MTUS2: variants seen among roughly 807,000 people sequenced by gnomAD.
The protein encoded by MTUS2 is microtubule-associated tumor suppressor candidate 2.
In MTUS2, 40 loss-of-function variants were observed where a neutral mutation model predicts 114.1. That is an observed-to-expected ratio of 0.35 (90% CI 0.27 to 0.46). MTUS2 has a LOEUF of 0.46. MTUS2 is among the 20% of genes least tolerant of loss of function. MTUS2 has a pLI of 1.00. For synonymous variants in MTUS2, 688 were observed against 672.0 expected (o/e 1.02, Z -0.37); for missense variants, 1,679 against 1,705.4 (o/e 0.98, Z 0.27).
At chr13:29,265,530 T>A (rs1249440717) in intron 5 of MTUS2, among the ~76,000 whole-genome samples, 2 of 152,236 alleles carry the variant, frequency 1.3e-5, no homozygotes, top group African/African-American at 4.8e-5. Context: ...ATTATTCTTG[T>A]ATAACCATGA....
At chr13:29,036,999 C>G (rs1887109050) in intron 4 of MTUS2, among the ~76,000 whole-genome samples, 1 of 152,032 alleles carries the variant, frequency 6.6e-6, no homozygotes, top group Non-Finnish European at 1.5e-5. Flanking sequence ...GGGGTGTTTA[C>G]CCCGTTTACA....
chr13:29,203,106 C>T (rs563217197), intron 5 of MTUS2, among the ~76,000 whole-genome samples: 1 of 152,338 alleles, frequency 6.6e-6, no homozygotes, highest in South Asian at 2.1e-4. Context: ...TGAAGCTGCA[C>T]CCACAGCTGC....
intron 5 of MTUS2, among the ~76,000 whole-genome samples, chr13:29,253,443 T>C (rs1259681778): frequency 5.3e-5 from 8 of 151,860 alleles, no homozygotes; most frequent in Admixed American, 3.3e-4. Context: ...AAATTAAAAA[T>C]ATAAATAAAA....
At chr13:29,183,056 G>GT (rs1170062384) in intron 5 of MTUS2, among the ~76,000 whole-genome samples, 1 of 152,230 alleles carries the variant, frequency 6.6e-6, no homozygotes, top group East Asian at 1.9e-4. Context: ...TTTGAGCAGA[G>GT]TATCACAGAA....
intron 1 of MTUS2, among the ~76,000 whole-genome samples, chr13:28,825,546 T>G (rs894555497): frequency 3.3e-5 from 5 of 152,112 alleles, no homozygotes; most frequent in Non-Finnish European, 5.9e-5. Flanking sequence ...CATGCCCAGA[T>G]GGCTGCTCAA....
At chr13:28,900,518 A>C (rs533638196) in intron 2 of MTUS2, among the ~76,000 whole-genome samples, 2 of 152,332 alleles carry the variant, frequency 1.3e-5, no homozygotes, top group Middle Eastern at 6.8e-3. Flanking sequence ...TCATTTGAAG[A>C]CAAAATAAAT....
At chr13:28,939,324 A>G (rs758451068) in intron 2 of MTUS2, among the ~76,000 whole-genome samples, 5 of 152,204 alleles carry the variant, frequency 3.3e-5, no homozygotes, top group Non-Finnish European at 5.9e-5. Flanking sequence ...ACAGGTAGCT[A>G]AAGACTAGGG....
intron 4 of MTUS2, among the ~76,000 whole-genome samples, chr13:29,062,384 G>A (rs1338019730): frequency 6.6e-6 from 1 of 151,992 alleles, no homozygotes; most frequent in Admixed American, 6.5e-5. Context: ...GGTCTTTGGT[G>A]CGAATAACTT....
chr13:29,359,429 G>A lies in MTUS2; in HGVS notation c.3073G>A (p.Gly1025Ser), dbSNP rs745348724. Residue 1025 changes from glycine to serine, a missense_variant, in exon 8 of 16, where the codon GGC becomes AGC. Around this residue, in one of 3 missense-constraint regions of MTUS2, gnomAD observed 822 missense variants for 899.7 expected, o/e 0.91. Transcript: ENST00000612955. Reference protein sequence around the residue: ...AQGELKRAICGFDALAVATQH... With the variant: ...AQGELKRAICSFDALAVATQH... ...AGGGGAGCTGAAGAGGGCCATCTGC[G>A]GCTTTGATGCCCTCGCCGTGGCCAC... The A allele has an allele frequency of 1.2e-5, 20 of 1,613,072 alleles. No homozygotes were observed. The South Asian group carries it at 1.5e-4, about 12-fold the overall frequency.
chr13:29,382,094 A>T (rs1365908040), intron 8 of MTUS2, among the ~76,000 whole-genome samples: 1 of 152,162 alleles, frequency 6.6e-6, no homozygotes, highest in Non-Finnish European at 1.5e-5. Context: ...ACATAAATAT[A>T]AAAGGCAGTA....
intron 5 of MTUS2, among the ~76,000 whole-genome samples, chr13:29,170,031 A>G (rs530016700): frequency 7.9e-5 from 12 of 152,246 alleles, no homozygotes; most frequent in Non-Finnish European, 1.6e-4. Context: ...AAGAAAAATC[A>G]CAGTAGTGGT....
chr13:29,388,369 G>A (rs1218280574), intron 8 of MTUS2, among the ~76,000 whole-genome samples: 3 of 151,524 alleles, frequency 2.0e-5, no homozygotes, highest in East Asian at 1.9e-4. Flanking sequence ...ACACTTGATC[G>A]AATGTAGCAA....
chr13:29,442,593 G>T (rs527554670), intron 9 of MTUS2, among the ~76,000 whole-genome samples: 4 of 151,620 alleles, frequency 2.6e-5, no homozygotes, highest in African/African-American at 9.7e-5. Context: ...GTGTGAGCTA[G>T]TGATGAGCTA....
chr13:28,925,501 A>G (rs971464775), intron 2 of MTUS2, among the ~76,000 whole-genome samples: 9 of 152,188 alleles, frequency 5.9e-5, no homozygotes, highest in African/African-American at 2.2e-4. Context: ...CATTTACTAA[A>G]TTTCTAGTAC....
At chr13:28,874,608 C>CA (rs1877823084) in intron 2 of MTUS2, among the ~76,000 whole-genome samples, 1 of 152,110 alleles carries the variant, frequency 6.6e-6, no homozygotes, top group Non-Finnish European at 1.5e-5. Flanking sequence ...GCTTGAGGGT[C>CA]CTCAAGGCAT....
intron 2 of MTUS2, among the ~76,000 whole-genome samples, chr13:28,869,319 C>T (rs984388934): frequency 2.4e-4 from 37 of 152,210 alleles, no homozygotes; most frequent in Admixed American, 7.8e-4. Flanking sequence ...ACATTGACCT[C>T]GATCATAGGG....
intron 9 of MTUS2, among the ~76,000 whole-genome samples, chr13:29,464,445 C>A (rs1252494359): frequency 6.6e-6 from 1 of 152,160 alleles, no homozygotes; most frequent in Non-Finnish European, 1.5e-5. Flanking sequence ...CTGGGCAGGT[C>A]CCTGTAATCA....
chr13:29,409,104 G>GAGGTC (rs1334427361), intron 8 of MTUS2, among the ~76,000 whole-genome samples: 1 of 152,180 alleles, frequency 6.6e-6, no homozygotes, highest in East Asian at 1.9e-4. Flanking sequence ...TGGATCACCT[G>GAGGTC]AGGTCAGGAG....
intron 8 of MTUS2, among the ~76,000 whole-genome samples, chr13:29,392,558 G>A (rs1008452238): frequency 6.6e-6 from 1 of 152,196 alleles, no homozygotes; most frequent in Non-Finnish European, 1.5e-5. Context: ...CAGGCATATT[G>A]AGGAATTGTT....
Sources: allele counts gnomAD v4.1 joint callset (sites outside exome capture counted in the v4.1 genomes callset), GRCh38; gene constraint gnomAD v4.1.1; regional missense constraint gnomAD v4.1.1; transcripts MANE v1.5; gene names NCBI Gene and HGNC (gene_info 2026-07-23, HGNC 2026-07-21).